The following CFAP299 variants were observed in gnomAD, a reference collection of about 807,000 sequenced individuals.
The protein encoded by CFAP299 is cilia- and flagella-associated protein 299.
In CFAP299, 21 loss-of-function variants were observed where a neutral mutation model predicts 27.0. The observed-to-expected ratio is 0.78, with a 90% CI of 0.55 to 1.12. CFAP299 has a LOEUF of 1.12. Among genes scored for constraint, CFAP299 ranks in the 50% most tolerant of loss-of-function variants. CFAP299 has a pLI of 0.00. For missense variants in CFAP299, 310 were observed against 276.6 expected (o/e 1.12, Z -0.86); for synonymous variants, 104 against 98.1 (o/e 1.06, Z -0.36).
chr4:80,523,376 C>CT (rs914160861), intron 2 of CFAP299, among the ~76,000 whole-genome samples: 1 of 152,138 alleles, frequency 6.6e-6, no homozygotes, highest in African/African-American at 2.4e-5. Context: ...TGATCATAAA[C>CT]TTTTTTTACT....
chr4:80,939,630 A>G (rs1426320432), intron 4 of CFAP299, among the ~76,000 whole-genome samples: 1 of 152,184 alleles, frequency 6.6e-6, no homozygotes, highest in East Asian at 1.9e-4. Flanking sequence ...ATAATTTGTC[A>G]CACAACTTGT....
chr4:80,721,156 G>C (rs1271843080), intron 3 of CFAP299, among the ~76,000 whole-genome samples: 2 of 152,018 alleles, frequency 1.3e-5, no homozygotes, highest in Non-Finnish European at 2.9e-5. Context: ...AATCCAGAAA[G>C]GAAAGGCAGG....
chr4:80,344,227 T>A (rs1722613200), intron 1 of CFAP299, among the ~76,000 whole-genome samples: 2 of 149,642 alleles, frequency 1.3e-5, no homozygotes, highest in African/African-American at 2.5e-5. Context: ...TTTGAAAAAA[T>A]TAATAAGATA....
chr4:80,782,119 T>TA (rs1284915833), intron 3 of CFAP299, among the ~76,000 whole-genome samples: 2 of 152,126 alleles, frequency 1.3e-5, no homozygotes, highest in Non-Finnish European at 1.5e-5. Context: ...TCTGGACAAT[T>TA]ATGGAATTTC....
At chr4:80,810,011 C>T (rs1729063665) in intron 3 of CFAP299, among the ~76,000 whole-genome samples, 1 of 151,914 alleles carries the variant, frequency 6.6e-6, no homozygotes, top group African/African-American at 2.4e-5. Context: ...GAAATTTTAA[C>T]ATATTAATAA....
chr4:80,535,945 G>A (rs1047956637), intron 2 of CFAP299, among the ~76,000 whole-genome samples: 2 of 152,134 alleles, frequency 1.3e-5, no homozygotes, highest in African/African-American at 4.8e-5. Flanking sequence ...ATTCAAAGGA[G>A]GATCATCAAG....
chr4:80,553,843 G>T (rs978071487), intron 2 of CFAP299, among the ~76,000 whole-genome samples: 4 of 151,574 alleles, frequency 2.6e-5, no homozygotes, highest in African/African-American at 9.7e-5. Flanking sequence ...TTTTAATGGG[G>T]TTTTCTCTTA....
rs149840541 is a variant in CFAP299 at position 80,708,274 on chromosome 4, G to A, written c.333+125091G>A. ...GCTAGTAAAGGACTGATCAATCTAT[G>A]CTTTACATTCTTACATCTTTGTTTC... On this transcript the variant is annotated intron_variant, in intron 3 of 5. Transcript: ENST00000358105. 5.2e-3 allele frequency among the ~76,000 whole-genome samples: 794 copies of A among 151,964 alleles called. 6 individuals carry two copies. The highest frequency in any genetic ancestry group is 6.8e-3 in the Non-Finnish European group (463 of 67,884).
chr4:80,487,756 A>C (rs1046501382), intron 2 of CFAP299, among the ~76,000 whole-genome samples: 1 of 152,210 alleles, frequency 6.6e-6, no homozygotes, highest in African/African-American at 2.4e-5. Context: ...TGCAACTATC[A>C]AGACTCTAAG....
intron 2 of CFAP299, among the ~76,000 whole-genome samples, chr4:80,544,629 A>G (rs1275006508): frequency 6.6e-6 from 1 of 152,212 alleles, no homozygotes; most frequent in Non-Finnish European, 1.5e-5. Context: ...AGAGCATTAC[A>G]TAATAATAAG....
At chr4:80,438,567 A>AAAGG (rs1310319369) in intron 2 of CFAP299, among the ~76,000 whole-genome samples, 1 of 152,218 alleles carries the variant, frequency 6.6e-6, no homozygotes, top group African/African-American at 2.4e-5. Context: ...CTTTGCCATA[A>AAAGG]AATAAATTCT....
chr4:80,497,526 CAT>C (rs975827143), intron 2 of CFAP299, among the ~76,000 whole-genome samples: 3 of 152,022 alleles, frequency 2.0e-5, no homozygotes, highest in African/African-American at 7.2e-5. Flanking sequence ...TACACACACA[CAT>C]ATTATAGAAA....
At chr4:80,704,670 T>G (rs1721717719) in intron 3 of CFAP299, among the ~76,000 whole-genome samples, 1 of 151,726 alleles carries the variant, frequency 6.6e-6, no homozygotes, top group Non-Finnish European at 1.5e-5. Context: ...AGAAGCAACA[T>G]TCCTTTCTTG....
Position 80,583,153 on chromosome 4 carries a change from A to G in CFAP299, c.303A>G (p.Arg101=). Residue 101 remains arginine, a synonymous_variant, in exon 3 of 6, where the codon AGA becomes AGG. Transcript: ENST00000358105. ...ATTTTCTGACGGCCCTGGCAATGAG[A>G]GAAGAAGACAATCGCAGTGGAAAAC... ...QDNFLTALAM[R]EEDNRSGKLS... 6.2e-7 allele frequency: 1 copy of G among 1,606,076 alleles called. No individual in the cohort carries two copies. Among genetic ancestry groups the G allele is most frequent in the South Asian group, 1.1e-5 (1 of 90,108 alleles).
chr4:80,518,639 G>A (rs1266370167), intron 2 of CFAP299, among the ~76,000 whole-genome samples: 1 of 152,096 alleles, frequency 6.6e-6, no homozygotes, highest in Non-Finnish European at 1.5e-5. Flanking sequence ...AGAAGAGTAT[G>A]GAAATACATA....
chr4:80,387,094 G>C, intron 2 of CFAP299: 1 of 1,445,816 alleles, frequency 6.9e-7, no homozygotes, highest in East Asian at 2.3e-5. Flanking sequence ...TGCAGGTGAT[G>C]CTCCAGGGCC....
At chr4:80,349,403 T>C (rs1328075115) in intron 1 of CFAP299, among the ~76,000 whole-genome samples, 2 of 152,206 alleles carry the variant, frequency 1.3e-5, no homozygotes, top group Admixed American at 1.3e-4. Context: ...ACATGGAGAA[T>C]ATATTTATGT....
chr4:80,354,116 T>C (rs1317388983), intron 1 of CFAP299, among the ~76,000 whole-genome samples: 1 of 152,178 alleles, frequency 6.6e-6, no homozygotes, highest in Non-Finnish European at 1.5e-5. Flanking sequence ...CATTTAATAA[T>C]TCAAAACAAT....
At chr4:80,878,818 T>C (rs1251909519) in intron 4 of CFAP299, among the ~76,000 whole-genome samples, 1 of 152,116 alleles carries the variant, frequency 6.6e-6, no homozygotes, top group Non-Finnish European at 1.5e-5. Flanking sequence ...AAATAAGCTA[T>C]GCACCAAAAT....
Sources: gnomAD v4.1 joint callset for allele counts (sites outside exome capture counted in the v4.1 genomes callset) on GRCh38, gnomAD v4.1.1 for gene constraint, MANE v1.5 for transcripts, NCBI Gene and HGNC (gene_info 2026-07-23, HGNC 2026-07-21) for gene names.